Variants in MCM8 observed in about 807,000 individuals in gnomAD.
MCM8 encodes the protein minichromosome maintenance 8 homologous recombination repair factor.
Under a neutral mutation model 98.9 loss-of-function variants are expected in MCM8, and 85 were observed. That is an observed-to-expected ratio of 0.86 (90% CI 0.72 to 1.03). The LOEUF is 1.03. Among genes scored for constraint, MCM8 ranks in the 50% least tolerant of loss-of-function variants. The pLI, the probability that MCM8 is intolerant of heterozygous loss-of-function variation, is 0.00. For synonymous variants in MCM8, 352 were observed against 338.6 expected, an observed-to-expected ratio of 1.04 and a Z score of -0.44; for missense variants, 951 against 997.8, an observed-to-expected ratio of 0.95 and a Z score of 0.63.
rs2089439441 is a variant in MCM8 at position 5,973,104 on chromosome 20, T to C, written c.1303T>C (p.Tyr435His). 6.2e-7 allele frequency: 1 copy of C among 1,614,076 alleles called. No homozygotes were observed. Among genetic ancestry groups the C allele is most frequent in the Admixed American group, 1.7e-5 (1 of 60,006 alleles). The part of the protein sequence containing the change: ...ALALFGGSQK[Y>H]ADDKNRIPIR... ...AGCACTCTTTGGAGGAAGCCAGAAA[T>C]ACGCAGATGACAAAAACAGAATTCC... Residue 435 changes from tyrosine to histidine, a missense_variant, in exon 12 of 19, where the codon TAC (tyrosine) becomes CAC (histidine). Tyr to His is a moderately conservative substitution (Grantham distance 83). Coordinates refer to ENST00000610722, the MANE Select transcript of MCM8 (RefSeq NM_032485.6).
chr20:5,969,593 C>CAAA (rs11364488), intron 10 of MCM8, among the ~76,000 whole-genome samples: 2 of 104,690 alleles, frequency 1.9e-5, no homozygotes, highest in Admixed American at 1.1e-4. Context: ...CTCTGTCTCA[C>CAAA]AAAAAAAAAA....
At chr20:5,975,270 A>AG (rs1340089418) in intron 12 of MCM8, among the ~76,000 whole-genome samples, 3 of 152,028 alleles carry the variant, frequency 2.0e-5, no homozygotes, top group Admixed American at 1.3e-4. Context: ...AAAAAAAAAA[A>AG]AAAAGAAAAC....
At chr20:5,978,107 G>A in intron 13 of MCM8, 90 bp downstream of exon 13, 2 of 1,459,442 alleles carry the variant, frequency 1.4e-6, no homozygotes, top group Non-Finnish European at 9.4e-7. Context: ...CTGTTTAAGA[G>A]AAACATTTAG....
chr20:5,958,473 G>T, intron 6 of MCM8, 55 bp from the exon 7 acceptor site: 1 of 1,417,976 alleles, frequency 7.1e-7, no homozygotes, highest in Non-Finnish European at 9.8e-7. Flanking sequence ...AAAGGAACTT[G>T]TGAAAATATA....
At chr20:5,954,761 A>G (rs2088929161) in intron 4 of MCM8, 71 bp downstream of exon 4, 2 of 925,932 alleles carry the variant, frequency 2.2e-6, no homozygotes. Context: ...ACTTGTGATT[A>G]TGATCGTAGG....
At chr20:5,954,011 C>T (rs2088905963) in intron 3 of MCM8, among the ~76,000 whole-genome samples, 1 of 152,178 alleles carries the variant, frequency 6.6e-6, no homozygotes, top group South Asian at 2.1e-4. Flanking sequence ...GCTCAGAACA[C>T]TATAAGTGAT....
chr20:5,960,766 T>G (rs1270017244), intron 7 of MCM8, among the ~76,000 whole-genome samples: 1 of 152,020 alleles, frequency 6.6e-6, no homozygotes, highest in African/African-American at 2.4e-5. Context: ...AGAGACCCCA[T>G]CTCTACTAAA....
chr20:5,991,672 A>G (rs1245554617), intron 17 of MCM8, among the ~76,000 whole-genome samples: 1 of 152,222 alleles, frequency 6.6e-6, no homozygotes, highest in Non-Finnish European at 1.5e-5. Flanking sequence ...ATTATGAATT[A>G]TCTGTTTGTT....
chr20:5,958,947 C>T (rs534987066), intron 7 of MCM8, among the ~76,000 whole-genome samples: 105 of 152,268 alleles, frequency 6.9e-4, no homozygotes, highest in African/African-American at 2.4e-3. Context: ...CAGCTCCGGA[C>T]ACATTTTTTA....
rs146585243 is a variant in MCM8 at position 5,977,902 on chromosome 20, C to T, written c.1422C>T (p.Gly474=). 9.5e-5 allele frequency: 154 copies of T among 1,613,986 alleles called. No homozygotes were observed. Among genetic ancestry groups the T allele is most frequent in the Admixed American group, 1.5e-4 (9 of 59,990 alleles). ...LQAACNVAPR[G]VYVCGNTTTT... The stretch of plus-strand genomic sequence containing the variant: ...CAGCGTGCAATGTTGCCCCACGTGG[C>T]GTGTATGTTTGTGGTAACACCACGA... The change falls in exon 13 of 19, where the codon GGC becomes GGT. Residue 474 remains glycine (G), a synonymous_variant. Transcript: ENST00000610722.
At chr20:5,979,131 C>T (rs2089577300) in intron 13 of MCM8, among the ~76,000 whole-genome samples, 1 of 152,202 alleles carries the variant, frequency 6.6e-6, no homozygotes, top group African/African-American at 2.4e-5. Context: ...TATTCTGAAC[C>T]CAGGACCTGG....
In MCM8 at chr20:5,957,142, T is replaced by C. The variant is rs1600243854; in HGVS notation, c.503T>C (p.Leu168Pro). Residue 168 changes from leucine to proline, a missense_variant, in exon 6 of 19, where the codon CTT becomes CCT. Leu to Pro is a moderately conservative substitution (Grantham distance 98). Coordinates refer to ENST00000610722, the MANE Select transcript of MCM8 (RefSeq NM_032485.6). The part of the protein sequence containing the change: ...LAIHQVLTKD[L>P]ERHAAELQAQ... Reference sequence around the variant, plus strand: ...CCTGTTTAGGTGTTAACTAAGGACCTTGAAAGGCATGCAGCTGAGTTACAA... The same window carrying C: ...CCTGTTTAGGTGTTAACTAAGGACCCTGAAAGGCATGCAGCTGAGTTACAA... 6.2e-7 allele frequency: 1 copy of C among 1,613,466 alleles called. No homozygotes were observed. Among genetic ancestry groups the C allele is most frequent in the East Asian group, 2.2e-5 (1 of 44,828 alleles).
Position 5,994,491 on chromosome 20 carries a change from AC to A in MCM8, c.*101del. ...CACAGACAGACAGACACACACACAC[AC>A]ACACACACACACACACACACACACA... On this transcript the variant is annotated 3_prime_UTR_variant, in exon 19 of 19. Coordinates refer to ENST00000610722, the MANE Select transcript of MCM8 (RefSeq NM_032485.6). The A allele has an allele frequency of 1.8e-6, 1 of 567,804 alleles. No homozygotes were observed. Among genetic ancestry groups the A allele is most frequent in the South Asian group, 2.4e-5 (1 of 42,540 alleles). 35.2% of individuals were successfully genotyped at this position (567,804 alleles called of 1,614,324 possible).
At position 5,967,960 on chromosome 20, in the gene MCM8, A is replaced by G. The variant is rs376968671; in HGVS notation, c.1158A>G (p.Ser386=). 6 of 1,613,992 alleles carry G rather than the reference A, an allele frequency of 3.7e-6. No homozygotes were observed. The African/African-American group carries it at 8.0e-5, about 22-fold the overall frequency. Residue 386 remains serine, a synonymous_variant, in exon 10 of 19, where the codon TCA becomes TCG. Coordinates refer to ENST00000610722, the MANE Select transcript of MCM8 (RefSeq NM_032485.6). ...GCKHGMLMEF[S]LKDLYAIQEI... is the part of the protein sequence containing the mutation. ...AGCATGGAATGTTGATGGAGTTCTC[A>G]CTTAAAGACCTTTATGCCATCCAAG...
intron 17 of MCM8, among the ~76,000 whole-genome samples, chr20:5,988,254 A>G (rs922266093): frequency 1.3e-5 from 2 of 152,120 alleles, no homozygotes; most frequent in African/African-American, 4.8e-5. Flanking sequence ...TGAGGTCAGG[A>G]GTTCGAGACC....
At chr20:5,972,991 C>T (rs2089436657) in intron 11 of MCM8, 65 bp from the exon 12 acceptor site, 35 of 1,546,032 alleles carry the variant, frequency 2.3e-5, no homozygotes, top group Non-Finnish European at 2.9e-5. Flanking sequence ...AGGAGGAATA[C>T]CCCCTTTACT....
intron 1 of MCM8, among the ~76,000 whole-genome samples, chr20:5,951,290 T>G (rs756051809): frequency 7.9e-5 from 12 of 152,226 alleles, no homozygotes; most frequent in Non-Finnish European, 1.8e-4. Flanking sequence ...TCTTTGAGCA[T>G]CAGTTTCATA....
chr20:5,954,664 A>G lies in MCM8; in HGVS notation c.310A>G (p.Thr104Ala). The change falls in exon 4 of 19, where the codon ACA becomes GCA. Residue 104 changes from threonine (T) to alanine (A), a missense_variant. Physicochemically the swap from Thr to Ala is moderately conservative, Grantham distance 58. Transcript: ENST00000610722. Reference protein sequence around the residue: ...EKIQAFEKFFTRHIDLYDKDE... With the variant: ...EKIQAFEKFFARHIDLYDKDE... ...GATTCAAGCATTTGAAAAATTTTTC[A>G]CAAGGCATATTGATTTGTATGACAA... The G allele has an allele frequency of 3.1e-6, 5 of 1,608,182 alleles. No homozygotes were observed. In the South Asian group the frequency reaches 4.4e-5, roughly 14 times the overall value.
At chr20:5,959,839 C>T (rs895551662) in intron 7 of MCM8, among the ~76,000 whole-genome samples, 1 of 152,012 alleles carries the variant, frequency 6.6e-6, no homozygotes, top group African/African-American at 2.4e-5. Flanking sequence ...GCTGGGACTA[C>T]AGGCACGCGC....
Sources: gnomAD v4.1 joint callset for allele counts (sites outside exome capture counted in the v4.1 genomes callset) on GRCh38, gnomAD v4.1.1 for gene constraint, MANE v1.5 for transcripts, NCBI Gene and HGNC (gene_info 2026-07-23, HGNC 2026-07-21) for gene names.